Variants in SLAIN2 observed in about 807,000 individuals in gnomAD.
SLAIN2 encodes the protein SLAIN family member 2.
A neutral mutation model predicts 56.6 loss-of-function variants in SLAIN2; 31 were observed. The observed-to-expected ratio is 0.55, with a 90% CI of 0.41 to 0.74. The LOEUF (loss-of-function observed/expected upper bound fraction) is 0.74. Among genes scored for constraint, SLAIN2 ranks in the 30% least tolerant of loss-of-function variants. SLAIN2 has a pLI of 0.00. For missense variants in SLAIN2, 777 were observed against 754.2 expected, an observed-to-expected ratio of 1.03 and a Z score of -0.35; for synonymous variants, 317 against 284.9, an observed-to-expected ratio of 1.11 and a Z score of -1.13.
At chr4:48,362,750 C>A (rs12381243) in intron 1 of SLAIN2, among the ~76,000 whole-genome samples, 3 of 93,266 alleles carry the variant, frequency 3.2e-5, no homozygotes, top group East Asian at 5.8e-4. Flanking sequence ...TTTTTTTATT[C>A]TTTTTTTTTT....
intron 1 of SLAIN2, among the ~76,000 whole-genome samples, chr4:48,363,987 C>A: frequency 7.9e-6 from 1 of 126,218 alleles, no homozygotes; most frequent in African/African-American, 2.8e-5. Context: ...CCCCCCCCAC[C>A]TCCCTCCCGG....
At chr4:48,343,658 A>T (rs1393477076) in intron 1 of SLAIN2, among the ~76,000 whole-genome samples, 2 of 152,350 alleles carry the variant, frequency 1.3e-5, no homozygotes, top group East Asian at 1.9e-4. Flanking sequence ...GGTGGCTTGG[A>T]GTCTGAAAGT....
At chr4:48,345,736 TTTTA>T (rs1400509416) in intron 1 of SLAIN2, among the ~76,000 whole-genome samples, 3 of 152,054 alleles carry the variant, frequency 2.0e-5, no homozygotes, top group East Asian at 1.9e-4. Flanking sequence ...TTTTGTTAGT[TTTTA>T]TTTACACATT....
chr4:48,369,519 G>A (rs1161648131), intron 1 of SLAIN2, among the ~76,000 whole-genome samples: 1 of 152,144 alleles, frequency 6.6e-6, no homozygotes, highest in Admixed American at 6.5e-5. Context: ...TTCCTAAGTA[G>A]ATTTAATAAT....
At position 48,379,710 on chromosome 4, in the gene SLAIN2, A is replaced by G. The variant is rs537546940; in HGVS notation, c.724A>G (p.Arg242Gly). Residue 242 changes from arginine to glycine, a missense_variant, in exon 4 of 8, where the codon AGA (arginine) becomes GGA (glycine). Coordinates refer to ENST00000264313, the MANE Select transcript of SLAIN2 (RefSeq NM_020846.2). The stretch of plus-strand genomic sequence containing the variant: ...TTAAGGTAACTTGAAAAGCTCAGAC[A>G]GAAATCCTCCACTCAGTCCTCAGTC... ...GNSGNLKSSD[R>G]NPPLSPQSSI... 2 of 1,452,816 alleles carry G rather than the reference A, an allele frequency of 1.4e-6. No individual in the cohort carries two copies. Among genetic ancestry groups the G allele is most frequent in the Admixed American group, 5.4e-5 (2 of 36,966 alleles). 90.0% of individuals were successfully genotyped at this position (1,452,816 alleles called of 1,614,324 possible).
intron 6 of SLAIN2, among the ~76,000 whole-genome samples, chr4:48,396,355 T>C (rs1337837007): frequency 6.6e-6 from 1 of 152,224 alleles, no homozygotes; most frequent in African/African-American, 2.4e-5. Flanking sequence ...CTATATTTTC[T>C]GATTAGTATT....
intron 1 of SLAIN2, among the ~76,000 whole-genome samples, chr4:48,361,517 CA>C (rs1244733728): frequency 6.6e-6 from 1 of 152,050 alleles, no homozygotes; most frequent in Non-Finnish European, 1.5e-5. Flanking sequence ...GAATTTTTAG[CA>C]AAAGAATACT....
intron 1 of SLAIN2, among the ~76,000 whole-genome samples, chr4:48,356,410 A>T (rs1156690663): frequency 2.6e-5 from 4 of 152,206 alleles, no homozygotes; most frequent in Non-Finnish European, 2.9e-5. Flanking sequence ...AGCTGAAAAG[A>T]TCTGTACTAG....
At chr4:48,381,973 A>T (rs1198894192) in intron 4 of SLAIN2, among the ~76,000 whole-genome samples, 1 of 152,154 alleles carries the variant, frequency 6.6e-6, no homozygotes, top group East Asian at 1.9e-4. Flanking sequence ...GAAAATTCTT[A>T]CTTGAAGACT....
Position 48,382,799 on chromosome 4 carries a change from G to T in SLAIN2, c.1094G>T (p.Arg365Leu). ...TCACCCAGAAATTCACCTCGTTCAC[G>T]ATCTCCTGCTCGGGGAATAGAATAT... ...KQSPRNSPRS[R>L]SPARGIEYSR... is the part of the protein sequence containing the mutation. Residue 365 changes from arginine (R) to leucine (L), a missense_variant, in exon 5 of 8, where the codon CGA becomes CTA. By Grantham distance (102) the Arg-to-Leu change is moderately radical. Coordinates refer to ENST00000264313, the MANE Select transcript of SLAIN2 (RefSeq NM_020846.2). 6.2e-7 allele frequency: 1 copy of T among 1,613,714 alleles called. No individual in the cohort carries two copies. Among genetic ancestry groups the T allele is most frequent in the African/African-American group, 1.3e-5 (1 of 74,954 alleles).
chr4:48,407,944 A>G (rs1431129198), intron 6 of SLAIN2, among the ~76,000 whole-genome samples: 2 of 152,218 alleles, frequency 1.3e-5, no homozygotes, highest in Non-Finnish European at 2.9e-5. Flanking sequence ...ATGGAATTAT[A>G]CAATATATGA....
chr4:48,368,121 T>C (rs962369334), intron 1 of SLAIN2, among the ~76,000 whole-genome samples: 14 of 148,960 alleles, frequency 9.4e-5, no homozygotes, highest in African/African-American at 3.5e-4. Context: ...TGATCTTGGC[T>C]CACTGCAACC....
chr4:48,411,667 A>G (rs1418850870), intron 6 of SLAIN2, among the ~76,000 whole-genome samples: 3 of 151,864 alleles, frequency 2.0e-5, no homozygotes, highest in Non-Finnish European at 4.4e-5. Context: ...TAATTTTAAG[A>G]ATTCATAGCC....
intron 6 of SLAIN2, among the ~76,000 whole-genome samples, chr4:48,403,279 G>C (rs994733182): frequency 6.6e-6 from 1 of 152,176 alleles, no homozygotes; most frequent in African/African-American, 2.4e-5. Flanking sequence ...CTTTTGTCCA[G>C]ACTGCTCTGA....
intron 1 of SLAIN2, among the ~76,000 whole-genome samples, chr4:48,357,246 T>G (rs1431683579): frequency 5.9e-5 from 9 of 152,120 alleles, no homozygotes; most frequent in Admixed American, 2.6e-4. Flanking sequence ...CTGAATATGT[T>G]TTTCTTCAAC....
Position 48,422,165 on chromosome 4 carries a change from A to C in SLAIN2, c.*88A>C. The C allele has an allele frequency of 1.0e-6, 1 of 963,446 alleles. No individual in the cohort carries two copies. Among genetic ancestry groups the C allele is most frequent in the Non-Finnish European group, 1.6e-6 (1 of 621,274 alleles). The allele number at this position is 963,446 out of a possible 1,614,324, so 59.7% of individuals were successfully genotyped here. Reference sequence around the variant, plus strand: ...CAACTTTTATATGCAGACTGTTCAGATAAGACTCTTGGGATTTATAAAATC... The same window carrying C: ...CAACTTTTATATGCAGACTGTTCAGCTAAGACTCTTGGGATTTATAAAATC... On this transcript the variant is annotated 3_prime_UTR_variant, in exon 8 of 8. Transcript: ENST00000264313.
chr4:48,342,794 A>G (rs1714761599), intron 1 of SLAIN2, among the ~76,000 whole-genome samples: 1 of 149,902 alleles, frequency 6.7e-6, no homozygotes, highest in South Asian at 2.1e-4. Flanking sequence ...TTCTAAAACA[A>G]GAATTGAGTC....
intron 6 of SLAIN2, among the ~76,000 whole-genome samples, chr4:48,388,959 C>T (rs549785918): frequency 2.0e-5 from 3 of 152,242 alleles, no homozygotes; most frequent in South Asian, 2.1e-4. Flanking sequence ...GAGAGAAGGA[C>T]GACTGTCCAG....
At chr4:48,393,435 C>T (rs1399306169) in intron 6 of SLAIN2, among the ~76,000 whole-genome samples, 1 of 142,418 alleles carries the variant, frequency 7.0e-6, no homozygotes, top group Non-Finnish European at 1.5e-5. Context: ...GACAGAGTCT[C>T]CCTGTGCTGC....
Sources: gnomAD v4.1 joint callset for allele counts (sites outside exome capture counted in the v4.1 genomes callset) on GRCh38, gnomAD v4.1.1 for gene constraint, MANE v1.5 for transcripts, NCBI Gene and HGNC (gene_info 2026-07-23, HGNC 2026-07-21) for gene names.